Variants in IRGM observed in about 807,000 individuals in gnomAD.
IRGM encodes immunity related GTPase M, also known as immunity-related GTPase family M protein.
For missense variants in IRGM, 288 were observed against 219.9 expected (o/e 1.31, Z -1.96); for synonymous variants, 98 against 80.6 (o/e 1.22, Z -1.16).
At chr5:150,900,784 CAT>C (rs1754970150), downstream of IRGM, 1 of 151,554 alleles carries the variant, frequency 6.6e-6, no homozygotes, top group South Asian at 2.1e-4. Flanking sequence ...AGAAAAGTAA[CAT>C]AAGAAAGATA....
chr5:150,874,790 A>G lies in IRGM; in HGVS notation c.159-3190A>G, dbSNP rs148463830. 3.0e-3 allele frequency among the ~76,000 whole-genome samples: 457 copies of G among 152,304 alleles called. 2 individuals carry two copies. Among genetic ancestry groups the G allele is most frequent in the African/African-American group, 0.011 (441 of 41,566 alleles). ...GGCCCTCATAAGTGAATCACAATGG[A>G]GGCCTCTAGGATTGTGGAGCAAGGC... On this transcript the variant is annotated intron_variant and NMD_transcript_variant, in intron 1 of 3. Transcript: ENST00000520549.
At chr5:150,883,784 G>T (rs1474061152) in intron 3 of IRGM, among the ~76,000 whole-genome samples, 1 of 151,862 alleles carries the variant, frequency 6.6e-6, no homozygotes, top group Admixed American at 6.6e-5. Context: ...GGACCTGATG[G>T]CTTCATTACT....
chr5:150,895,767 T>G, intron 3 of IRGM: 1 of 1,613,588 alleles, frequency 6.2e-7, no homozygotes, highest in Non-Finnish European at 8.5e-7. Context: ...TTTATAGGGT[T>G]TTTCTCCAGT....
chr5:150,883,451 CAAATAAACTACATTTGTTTCTTGAAA>C (rs1754473815), intron 3 of IRGM, among the ~76,000 whole-genome samples: 1 of 148,636 alleles, frequency 6.7e-6, no homozygotes, highest in African/African-American at 2.6e-5. Flanking sequence ...ATAGAAAGAT[CAAATAAACTACATTTGTTTCTTGAAA>C]AGATAAACAA....
At chr5:150,874,584 C>T (rs76768636) in intron 1 of IRGM, among the ~76,000 whole-genome samples, 5,933 of 152,272 alleles carry the variant, frequency 0.039, 196 homozygotes, top group East Asian at 0.18. Flanking sequence ...GTTATTCTGG[C>T]TCATTTATTG....
Position 150,882,038 on chromosome 5 carries a change from C to T in IRGM, c.*140+2392C>T, listed in dbSNP as rs558878449. On this transcript the variant is annotated intron_variant and NMD_transcript_variant, in intron 3 of 3. Transcript: ENST00000520549. ...CTCTGCAAAAAATACAAAAATTACA[C>T]AGGTGTGGTGGCACCCACCTGTAGT... Among the ~76,000 whole-genome samples the T allele has an allele frequency of 9.2e-5, 14 of 151,960 alleles. No individual in the cohort carries two copies. The South Asian group carries it at 2.3e-3, about 25-fold the overall frequency.
intron 1 of IRGM, among the ~76,000 whole-genome samples, chr5:150,875,044 A>G (rs1195663247): frequency 6.6e-6 from 1 of 152,182 alleles, no homozygotes; most frequent in East Asian, 1.9e-4. Flanking sequence ...GGGCTTGAGC[A>G]GGTCTTGAAA....
chr5:150,876,369 T>C (rs6579804), intron 1 of IRGM, among the ~76,000 whole-genome samples: 30,955 of 152,166 alleles, frequency 0.2, 4,999 homozygotes, highest in East Asian at 0.43. Context: ...CCCATGACAT[T>C]ATATTCTGCT....
At chr5:150,896,118 A>G (rs1202928019) in intron 3 of IRGM, 1 of 1,613,416 alleles carries the variant, frequency 6.2e-7, no homozygotes, top group South Asian at 1.1e-5. Flanking sequence ...CCCAGTATGT[A>G]TTCTCTGATG....
intron 3 of IRGM, among the ~76,000 whole-genome samples, chr5:150,893,255 G>C (rs1754645541): frequency 6.6e-6 from 1 of 152,074 alleles, no homozygotes; most frequent in Non-Finnish European, 1.5e-5. Flanking sequence ...GTGTCTACAG[G>C]TAATTATCAG....
chr5:150,891,230 A>G (rs943814333), intron 3 of IRGM, among the ~76,000 whole-genome samples: 1 of 152,088 alleles, frequency 6.6e-6, no homozygotes, highest in Non-Finnish European at 1.5e-5. Flanking sequence ...AATATATTTT[A>G]TCTGATATTA....
At chr5:150,891,178 G>A (rs905503554) in intron 3 of IRGM, among the ~76,000 whole-genome samples, 1 of 152,000 alleles carries the variant, frequency 6.6e-6, no homozygotes, top group African/African-American at 2.4e-5. Context: ...TTATCACTAT[G>A]AACTGGTCTT....
At chr5:150,871,764 C>T (rs929265572) in intron 1 of IRGM, among the ~76,000 whole-genome samples, 1 of 152,192 alleles carries the variant, frequency 6.6e-6, no homozygotes, top group African/African-American at 2.4e-5. Context: ...AGTGTAGACA[C>T]TTAGAAATGT....
intron 1 of IRGM, among the ~76,000 whole-genome samples, chr5:150,866,106 G>T (rs190099320): frequency 6.6e-6 from 1 of 152,318 alleles, no homozygotes; most frequent in East Asian, 1.9e-4. Context: ...TCCCTGTACA[G>T]TCTGCTCCCA....
At chr5:150,901,677 G>C (rs978180575), downstream of IRGM, among the ~76,000 whole-genome samples, 3 of 152,014 alleles carry the variant, frequency 2.0e-5, no homozygotes, top group Non-Finnish European at 2.9e-5. Flanking sequence ...AAATATATCA[G>C]TACAAACCAT....
intron 1 of IRGM, among the ~76,000 whole-genome samples, chr5:150,870,565 C>T (rs1754269508): frequency 6.9e-6 from 1 of 144,532 alleles, no homozygotes; most frequent in African/African-American, 2.6e-5. Flanking sequence ...AAGGCAAGCT[C>T]TTCCTGCTTT....
At chr5:150,869,611 G>A (rs1754253541) in intron 1 of IRGM, among the ~76,000 whole-genome samples, 1 of 152,094 alleles carries the variant, frequency 6.6e-6, no homozygotes, top group South Asian at 2.1e-4. Flanking sequence ...TCTGGTCCTG[G>A]ACTTTTTTGT....
At chr5:150,901,282 C>T (rs183860916), downstream of IRGM, among the ~76,000 whole-genome samples, 1 of 152,104 alleles carries the variant, frequency 6.6e-6, no homozygotes, top group African/African-American at 2.4e-5. Context: ...TTCTAGGAAC[C>T]ACATTCAAAA....
chr5:150,858,961 A>G (rs1754097163), intron 1 of IRGM, among the ~76,000 whole-genome samples: 1 of 152,060 alleles, frequency 6.6e-6, no homozygotes, highest in South Asian at 2.1e-4. Flanking sequence ...TTCCAACACT[A>G]TGTTGAATAG....
Sources: allele counts gnomAD v4.1 joint callset (sites outside exome capture counted in the v4.1 genomes callset), GRCh38; gene constraint gnomAD v4.1.1; transcripts MANE v1.5; gene names NCBI Gene and HGNC (gene_info 2026-07-23, HGNC 2026-07-21).